Variants in BRINP1 observed in about 807,000 individuals in gnomAD.
BRINP1 encodes BMP/retinoic acid-inducible neural-specific protein 1.
BRINP1 carries 17 observed loss-of-function variants against 72.9 expected under a neutral mutation model. That is an observed-to-expected ratio of 0.23 (90% CI 0.16 to 0.35). The LOEUF is 0.35. BRINP1 is among the 10% of genes least tolerant of loss of function. The pLI, the probability that BRINP1 is intolerant of heterozygous loss-of-function variation, is 1.00. For missense variants in BRINP1, 850 were observed against 1,001.6 expected (o/e 0.85, Z 2.04); for synonymous variants, 418 against 378.5 (o/e 1.10, Z -1.21).
chr9:119,255,376 G>T (rs1440662780), intron 2 of BRINP1, among the ~76,000 whole-genome samples: 1 of 152,200 alleles, frequency 6.6e-6, no homozygotes, highest in African/African-American at 2.4e-5. Flanking sequence ...GGAAGTCGTG[G>T]GGTGTCTGCA....
At chr9:119,344,838 C>T (rs1454042728) in intron 1 of BRINP1, among the ~76,000 whole-genome samples, 1 of 152,168 alleles carries the variant, frequency 6.6e-6, no homozygotes, top group African/African-American at 2.4e-5. Context: ...TTTAACGTAG[C>T]CCCTGCAGTG....
intron 1 of BRINP1, among the ~76,000 whole-genome samples, chr9:119,351,244 T>C (rs1239618336): frequency 6.6e-6 from 1 of 152,086 alleles, no homozygotes; most frequent in Non-Finnish European, 1.5e-5. Flanking sequence ...AAGCTTACAT[T>C]TTATGTGAGC....
chr9:119,367,221 G>GTGTGATATATATATATATATATAT (rs1564259756), intron 1 of BRINP1, among the ~76,000 whole-genome samples: 21 of 99,840 alleles, frequency 2.1e-4, no homozygotes, highest in Non-Finnish European at 3.0e-4. Flanking sequence ...GTGTGTGATT[G>GTGTGATATATATATATATATATAT]ATATATATAT....
At chr9:119,203,147 C>T (rs572485228) in intron 7 of BRINP1, among the ~76,000 whole-genome samples, 2 of 152,258 alleles carry the variant, frequency 1.3e-5, no homozygotes, top group South Asian at 4.1e-4. Flanking sequence ...GTCCCAAACC[C>T]AGTGCAGTCT....
At position 119,368,437 on chromosome 9, in the gene BRINP1, A is replaced by C. The variant is rs916485407; in HGVS notation, c.-51+619T>G. ...CCACCGTTTGGAGGAATTTTCCTTC[A>C]AGCGTACCAACATTGGGCTAAATAA... On this transcript the variant is annotated intron_variant, in intron 1 of 7. Transcript: ENST00000265922. The surrounding 1 kb of genome is among the most constrained non-coding windows in gnomAD (Gnocchi z 4.7). Among the ~76,000 whole-genome samples, 2 of 151,992 alleles carry C rather than the reference A, an allele frequency of 1.3e-5. No homozygotes were observed. Among genetic ancestry groups the C allele is most frequent in the African/African-American group, 4.8e-5 (2 of 41,386 alleles).
intron 1 of BRINP1, 46 bp downstream of exon 1, chr9:119,369,010 C>T (rs1831726203): frequency 2.5e-6 from 1 of 392,430 alleles, no homozygotes; most frequent in Non-Finnish European, 4.5e-6. Flanking sequence ...GGGGCCGGGT[C>T]CAAGGGCAGC....
At chr9:119,246,702 C>G (rs968525825) in intron 3 of BRINP1, among the ~76,000 whole-genome samples, 4 of 152,202 alleles carry the variant, frequency 2.6e-5, no homozygotes, top group Non-Finnish European at 4.4e-5. Flanking sequence ...TCATTCCCTA[C>G]AACTTCCCAC....
chr9:119,174,195 G>A (rs1263189160), intron 7 of BRINP1, among the ~76,000 whole-genome samples: 3 of 149,802 alleles, frequency 2.0e-5, no homozygotes, highest in Non-Finnish European at 4.4e-5. Flanking sequence ...CAGAATGGGA[G>A]AAAATTTTTG....
At chr9:119,228,119 C>T (rs1039526260) in intron 5 of BRINP1, among the ~76,000 whole-genome samples, 1 of 151,854 alleles carries the variant, frequency 6.6e-6, no homozygotes, top group African/African-American at 2.4e-5. Flanking sequence ...CTGCCCTGTC[C>T]TCTCCCTCTA....
At chr9:119,308,577 A>G (rs1430888455) in intron 2 of BRINP1, among the ~76,000 whole-genome samples, 1 of 152,240 alleles carries the variant, frequency 6.6e-6, no homozygotes, top group East Asian at 1.9e-4. Flanking sequence ...CCATTTAGCC[A>G]AGTAGCTTTA....
intron 1 of BRINP1, among the ~76,000 whole-genome samples, chr9:119,326,843 C>T (rs935429689): frequency 6.6e-6 from 1 of 152,142 alleles, no homozygotes; most frequent in African/African-American, 2.4e-5. Flanking sequence ...CTGTGGAACA[C>T]GGGCCCCTAA....
intron 1 of BRINP1, among the ~76,000 whole-genome samples, chr9:119,322,116 C>G (rs941064439): frequency 2.0e-5 from 3 of 152,222 alleles, no homozygotes; most frequent in African/African-American, 7.2e-5. Flanking sequence ...ATCTCCCAAG[C>G]CCCATGCCCT....
chr9:119,215,554 C>T (rs966882389), intron 5 of BRINP1, among the ~76,000 whole-genome samples: 6 of 152,178 alleles, frequency 3.9e-5, no homozygotes, highest in Admixed American at 2.0e-4. Context: ...TTCAGGGACA[C>T]TCCTTAATCC....
At chr9:119,359,944 G>A (rs1831611633) in intron 1 of BRINP1, among the ~76,000 whole-genome samples, 1 of 152,146 alleles carries the variant, frequency 6.6e-6, no homozygotes, top group Admixed American at 6.5e-5. Flanking sequence ...TCCTTCCAGA[G>A]CCCCTTCAAA....
chr9:119,241,799 G>T (rs1830252426), intron 4 of BRINP1, among the ~76,000 whole-genome samples: 1 of 152,184 alleles, frequency 6.6e-6, no homozygotes, highest in Non-Finnish European at 1.5e-5. Context: ...GAGAACTGTT[G>T]ATAGTTATGC....
rs1831715450 is a variant in BRINP1, at chr9:119,368,134, T to C, written c.-51+922A>G. Reference sequence around the variant, plus strand: ...CCCCTGAGGGGGATCCATGCAAACTTGCCAGATCCTCCCCAAAACCAACAG... The same window carrying C: ...CCCCTGAGGGGGATCCATGCAAACTCGCCAGATCCTCCCCAAAACCAACAG... On this transcript the variant is annotated intron_variant, in intron 1 of 7. Coordinates refer to ENST00000265922, the MANE Select transcript of BRINP1 (RefSeq NM_014618.3). This position sits in a 1 kb window ranked among gnomAD's most constrained non-coding sequence, Gnocchi z 4.7. Among the ~76,000 whole-genome samples, 1 of 152,158 alleles carries C rather than the reference T, an allele frequency of 6.6e-6. No individual in the cohort carries two copies. Among genetic ancestry groups the C allele is most frequent in the Non-Finnish European group, 1.5e-5 (1 of 68,036 alleles).
chr9:119,266,635 T>A (rs1255547815), intron 2 of BRINP1, among the ~76,000 whole-genome samples: 2 of 152,224 alleles, frequency 1.3e-5, no homozygotes. Context: ...AAGCTTTGCA[T>A]CCTTTTGACC....
rs1831729451 is a variant in BRINP1, at chr9:119,369,272, G to A, written c.-267C>T. 1 of 398,808 alleles carries A rather than the reference G, an allele frequency of 2.5e-6. No individual in the cohort carries two copies. The highest frequency in any genetic ancestry group is 4.4e-5 in the Admixed American group (1 of 22,748). 24.7% of individuals were successfully genotyped at this position (398,808 alleles called of 1,614,324 possible). On this transcript the variant is annotated 5_prime_UTR_variant, in exon 1 of 8. Transcript: ENST00000265922. ...ACAGGCATGAATCCCGGCTCCGGAA[G>A]GCGGTCACTACTCCCTCTGCCTCCC... is the stretch of plus-strand genomic sequence containing the variant.
chr9:119,352,494 T>G (rs968723166), intron 1 of BRINP1, among the ~76,000 whole-genome samples: 5 of 152,106 alleles, frequency 3.3e-5, no homozygotes, highest in South Asian at 4.1e-4. Context: ...AGTGCAGTGG[T>G]GCGATCTCAG....
Sources: allele counts gnomAD v4.1 joint callset (sites outside exome capture counted in the v4.1 genomes callset), GRCh38; gene constraint gnomAD v4.1.1; non-coding constraint Gnocchi (gnomAD v3.1); transcripts MANE v1.5; gene names NCBI Gene and HGNC (gene_info 2026-07-23, HGNC 2026-07-21).